IL12B: variants seen among roughly 807,000 people sequenced by gnomAD.
IL12B encodes the protein interleukin 12B.
Under a neutral mutation model 39.2 loss-of-function variants are expected in IL12B, and 27 were observed. The ratio of observed to expected loss-of-function variants is 0.69; its 90% CI spans 0.51 to 0.95. The LOEUF is 0.95. IL12B is among the 40% of genes least tolerant of loss of function. The probability of loss-of-function intolerance (pLI) is 0.00; values close to 1 mark genes in which losing one functional copy is unlikely to be tolerated. For missense variants in IL12B, 351 were observed against 397.6 expected (o/e 0.88, Z 1.00); for synonymous variants, 142 against 152.1 (o/e 0.93, Z 0.49).
chr5:159,321,437 T>TTA (rs1168637159), intron 4 of IL12B, among the ~76,000 whole-genome samples: 2 of 151,488 alleles, frequency 1.3e-5, no homozygotes, highest in African/African-American at 4.9e-5. Flanking sequence ...CATCTCTACA[T>TTA]TATATATATC....
At chr5:159,321,431 T>C (rs1216089641) in intron 4 of IL12B, among the ~76,000 whole-genome samples, 1 of 151,534 alleles carries the variant, frequency 6.6e-6, no homozygotes, top group Non-Finnish European at 1.5e-5. Flanking sequence ...TATATACATC[T>C]CTACATTATA....
intron 3 of IL12B, 62 bp downstream of exon 3, chr5:159,322,992 T>C: frequency 6.7e-7 from 1 of 1,498,640 alleles, no homozygotes; most frequent in Non-Finnish European, 9.3e-7. Flanking sequence ...TTGTTGTTGT[T>C]GTTGTTTTTA....
chr5:159,316,537 T>C, intron 7 of IL12B, 148 bp downstream of exon 7: 3 of 788,302 alleles, frequency 3.8e-6, no homozygotes, highest in Non-Finnish European at 6.4e-6. Flanking sequence ...TAAATATCTG[T>C]TAGTGAATAA....
chr5:159,326,479 A>G (rs966292510), intron 2 of IL12B, among the ~76,000 whole-genome samples: 1 of 152,276 alleles, frequency 6.6e-6, no homozygotes, highest in Non-Finnish European at 1.5e-5. Flanking sequence ...TTTCCCCACC[A>G]TAGTGTACCA....
At position 159,322,509 on chromosome 5, in the gene IL12B, G is replaced by A. The variant is rs780376200; in HGVS notation, c.367C>T (p.Pro123Ser). 1.2e-6 allele frequency: 2 copies of A among 1,606,504 alleles called. No homozygotes were observed. Among genetic ancestry groups the A allele is most frequent in the Middle Eastern group, 1.7e-4 (1 of 6,042 alleles). The change falls in exon 4 of 8, where the codon CCC (proline) becomes TCC (serine). Residue 123 changes from proline to serine, a missense_variant and splice_region_variant. Physicochemically the swap from Pro to Ser is moderately conservative, Grantham distance 74. Transcript: ENST00000231228. ...STDILKDQKE[P>S]KNKTFLRCEA... is the part of the protein sequence containing the mutation. Reference sequence around the variant, plus strand: ...CATCTTAGAAAGGTCTTATTTTTGGGTTCTGGATTTGAAAAAAACAAAAAT... The same window carrying A: ...CATCTTAGAAAGGTCTTATTTTTGGATTCTGGATTTGAAAAAAACAAAAAT...
chr5:159,317,120 G>C (rs1754002535), intron 6 of IL12B, among the ~76,000 whole-genome samples: 1 of 152,172 alleles, frequency 6.6e-6, no homozygotes, highest in South Asian at 2.1e-4. Context: ...TGAGCTGATG[G>C]TGAGAGAGAG....
In IL12B at chr5:159,326,699, T is replaced by C; in HGVS notation, c.84A>G (p.Lys28=). 1 of 1,609,226 alleles carries C rather than the reference T, an allele frequency of 6.2e-7. No individual in the cohort carries two copies. The highest frequency in any genetic ancestry group is 8.5e-7 in the Non-Finnish European group (1 of 1,175,614). ...GAATAATGAGAGGCTGGTTACCATC[T>C]TTCTTCAGTTCCCATATGGCCACGA... The part of the protein sequence containing the change: ...SPLVAIWELK[K]DVYVVELDWY... Residue 28 remains lysine (K), a synonymous_variant, in exon 2 of 8, where the codon AAA becomes AAG. Transcript: ENST00000231228.
rs1460062540 is a variant in IL12B at position 159,320,438 on chromosome 5, A to G, written c.565T>C (p.Tyr189His). ...CTGTCCTCCTGGCACTCCACTGAGT[A>G]CTCATACTCCTTGTTGTCCCCTCTG... ...RVRGDNKEYE[Y>H]SVECQEDSAC... Residue 189 changes from tyrosine to histidine, a missense_variant, in exon 5 of 8, where the codon TAC (tyrosine) becomes CAC (histidine). Physicochemically the swap from Tyr to His is moderately conservative, Grantham distance 83. Transcript: ENST00000231228. 6.2e-7 allele frequency: 1 copy of G among 1,614,042 alleles called. No individual in the cohort carries two copies. The highest frequency in any genetic ancestry group is 8.5e-7 in the Non-Finnish European group (1 of 1,179,940).
intron 4 of IL12B, 134 bp downstream of exon 4, chr5:159,322,260 G>T: frequency 1.3e-6 from 1 of 751,648 alleles, no homozygotes; most frequent in South Asian, 1.4e-5. Flanking sequence ...GACAAGGAAG[G>T]GCGGTTGAAA....
intron 4 of IL12B, 28 bp downstream of exon 4, chr5:159,322,366 G>T: frequency 1.5e-6 from 2 of 1,324,122 alleles, no homozygotes; most frequent in Non-Finnish European, 2.2e-6. Flanking sequence ...CTAGAAAAAT[G>T]CTGAGAAACC....
chr5:159,326,135 C>T (rs1754184411), intron 2 of IL12B, among the ~76,000 whole-genome samples: 2 of 152,236 alleles, frequency 1.3e-5, no homozygotes. Flanking sequence ...TGGTAGGCAT[C>T]CACTTTGTAA....
At chr5:159,327,734 T>C (rs1392634896) in intron 1 of IL12B, among the ~76,000 whole-genome samples, 4 of 152,176 alleles carry the variant, frequency 2.6e-5, no homozygotes, top group Non-Finnish European at 5.9e-5. Context: ...CCAGAACCCC[T>C]GAAAATCAAA....
intron 1 of IL12B, among the ~76,000 whole-genome samples, chr5:159,329,648 A>C (rs926175555): frequency 6.6e-6 from 1 of 151,788 alleles, no homozygotes; most frequent in Non-Finnish European, 1.5e-5. Flanking sequence ...GAAATCATAC[A>C]ATTTCAGATT....
chr5:159,320,380 A>G lies in IL12B; in HGVS notation c.623T>C (p.Ile208Thr), dbSNP rs138127918. 7.4e-6 allele frequency: 12 copies of G among 1,613,982 alleles called. No homozygotes were observed. The highest frequency in any genetic ancestry group is 1.3e-5 in the African/African-American group (1 of 74,894). ...GTGAACGGCATCCACCATGACCTCA[A>G]TGGGCAGACTCTCCTCAGCAGCTGG... ...ACPAAEESLP[I>T]EVMVDAVHKL... Residue 208 changes from isoleucine (I) to threonine (T), a missense_variant, in exon 5 of 8, where the codon ATT becomes ACT. Physicochemically the swap from Ile to Thr is moderately conservative, Grantham distance 89. Coordinates refer to ENST00000231228, the MANE Select transcript of IL12B (RefSeq NM_002187.3).
At chr5:159,322,016 C>A (rs1754102400) in intron 4 of IL12B, among the ~76,000 whole-genome samples, 1 of 152,072 alleles carries the variant, frequency 6.6e-6, no homozygotes. Context: ...CGCCCTGGAG[C>A]TCTTGTTTTT....
Position 159,316,720 on chromosome 5 carries a change from A to C in IL12B, c.952T>G (p.Ser318Ala), listed in dbSNP as rs1753995800. 1 of 1,613,876 alleles carries C rather than the reference A, an allele frequency of 6.2e-7. No homozygotes were observed. The highest frequency in any genetic ancestry group is 8.5e-7 in the Non-Finnish European group (1 of 1,180,002). ...GGCACAGATGCCCATTCGCTCCAAG[A>C]TGAGCTATAGTAGCGGTCCTGGGCC... Reference protein sequence around the residue: ...VRAQDRYYSSSWSEWASVPCS With the variant: ...VRAQDRYYSSAWSEWASVPCS The change falls in exon 7 of 8, where the codon TCT becomes GCT. Residue 318 changes from serine to alanine, a missense_variant. By Grantham distance (99) the Ser-to-Ala change is moderately conservative. Coordinates refer to ENST00000231228, the MANE Select transcript of IL12B (RefSeq NM_002187.3).
intron 4 of IL12B, among the ~76,000 whole-genome samples, chr5:159,321,879 G>A (rs1196978398): frequency 2.0e-5 from 3 of 152,298 alleles, no homozygotes; most frequent in Middle Eastern, 6.8e-3. Flanking sequence ...AAGTCCAGGT[G>A]CATTGGACCA....
chr5:159,319,393 G>A (rs1211795187), intron 5 of IL12B, among the ~76,000 whole-genome samples: 9 of 152,176 alleles, frequency 5.9e-5, no homozygotes, highest in Admixed American at 5.9e-4. Flanking sequence ...TTGTCTCTAT[G>A]CTCAATTTGC....
intron 3 of IL12B, 124 bp downstream of exon 3, chr5:159,322,930 A>G (rs1325738223): frequency 1.0e-6 from 1 of 968,870 alleles, no homozygotes; most frequent in African/African-American, 1.6e-5. Flanking sequence ...ATTAACATCA[A>G]TAAGAGACTT....
Sources: gnomAD v4.1 joint callset for allele counts (sites outside exome capture counted in the v4.1 genomes callset) on GRCh38, gnomAD v4.1.1 for gene constraint, MANE v1.5 for transcripts, NCBI Gene and HGNC (gene_info 2026-07-23, HGNC 2026-07-21) for gene names.